NTRK2: variants seen among roughly 807,000 people sequenced by gnomAD.
The protein encoded by NTRK2 is BDNF/NT-3 growth factors receptor.
A neutral mutation model predicts 94.5 loss-of-function variants in NTRK2; 13 were observed. The ratio of observed to expected loss-of-function variants is 0.14; its 90% CI spans 0.09 to 0.22. The LOEUF (loss-of-function observed/expected upper bound fraction) is 0.22. Ranked by LOEUF, NTRK2 falls within the 10% of genes least tolerant of loss-of-function variation. NTRK2 has a pLI of 1.00. For missense variants in NTRK2, 639 were observed against 1,071.2 expected (o/e 0.60, Z 5.63); for synonymous variants, 372 against 407.4 (o/e 0.91, Z 1.05).
At chr9:84,848,185 C>T (rs539649810) in intron 12 of NTRK2, among the ~76,000 whole-genome samples, 1 of 152,212 alleles carries the variant, frequency 6.6e-6, no homozygotes, top group Non-Finnish European at 1.5e-5. Flanking sequence ...CCCTTGTGAA[C>T]TCATTTACCT....
chr9:84,834,145 G>C (rs1256653853), intron 12 of NTRK2, among the ~76,000 whole-genome samples: 2 of 152,132 alleles, frequency 1.3e-5, no homozygotes, highest in Non-Finnish European at 2.9e-5. Context: ...CCTATCAAAA[G>C]CCTATCAATA....
intron 14 of NTRK2, chr9:84,873,242 A>G: frequency 9.4e-7 from 1 of 1,060,258 alleles, no homozygotes. Context: ...ATTTTCTCCT[A>G]ATTGTTTAAT....
intron 12 of NTRK2, among the ~76,000 whole-genome samples, chr9:84,851,916 G>T (rs773529644): frequency 5.3e-5 from 8 of 152,190 alleles, no homozygotes; most frequent in Non-Finnish European, 1.0e-4. Context: ...AATAATGTAA[G>T]TATAAATATG....
intron 12 of NTRK2, among the ~76,000 whole-genome samples, chr9:84,774,504 A>C (rs915039956): frequency 2.0e-5 from 3 of 152,208 alleles, no homozygotes; most frequent in Admixed American, 2.0e-4. Flanking sequence ...GACTTGCCCA[A>C]AGCTGCAAGG....
intron 2 of NTRK2, among the ~76,000 whole-genome samples, chr9:84,695,078 A>T (rs1453421668): frequency 6.8e-6 from 1 of 146,636 alleles, no homozygotes; most frequent in African/African-American, 2.5e-5. Context: ...AAAAAAACAC[A>T]CAACAAAAAA....
At chr9:84,714,665 A>G (rs1300767094) in intron 6 of NTRK2, among the ~76,000 whole-genome samples, 1 of 152,232 alleles carries the variant, frequency 6.6e-6, no homozygotes, top group Non-Finnish European at 1.5e-5. Flanking sequence ...AAGAAACCAG[A>G]TAATAATACG....
chr9:85,018,912 A>G (rs1221103885), intron 17 of NTRK2, among the ~76,000 whole-genome samples: 1 of 152,186 alleles, frequency 6.6e-6, no homozygotes, highest in African/African-American at 2.4e-5. Context: ...TAAAAACTGA[A>G]TAGTAGAGAT....
At chr9:85,003,788 T>C (rs1301744824) in intron 17 of NTRK2, among the ~76,000 whole-genome samples, 1 of 151,486 alleles carries the variant, frequency 6.6e-6, no homozygotes. Flanking sequence ...TGTGGCAGCT[T>C]GGCCTAGGTG....
intron 6 of NTRK2, among the ~76,000 whole-genome samples, chr9:84,712,136 G>C (rs1308344085): frequency 6.6e-6 from 1 of 152,108 alleles, no homozygotes; most frequent in East Asian, 1.9e-4. Context: ...CAACCACTGA[G>C]AGGAAAAGAG....
chr9:84,753,536 C>T (rs2064823212), intron 12 of NTRK2, among the ~76,000 whole-genome samples: 1 of 152,082 alleles, frequency 6.6e-6, no homozygotes. Flanking sequence ...CATGGGCTGC[C>T]AGGCCCCCTT....
In NTRK2 at chr9:84,814,228, G is replaced by A. The variant is rs971194355; in HGVS notation, c.1397-46812G>A. 1.4e-5 allele frequency: 15 copies of A among 1,065,394 alleles called. No homozygotes were observed. The Admixed American group carries it at 2.1e-4, about 15-fold the overall frequency. 66.0% of individuals were successfully genotyped at this position (1,065,394 alleles called of 1,614,324 possible). On this transcript the variant is annotated intron_variant, in intron 12 of 18. Transcript: ENST00000277120. ...TTGCTTTTGGCTTCTCACTCTCCAA[G>A]TAACCCTGAATTAGGCCCAGAATGG...
At chr9:84,975,175 AC>A (rs1826673629) in intron 17 of NTRK2, among the ~76,000 whole-genome samples, 1 of 152,060 alleles carries the variant, frequency 6.6e-6, no homozygotes, top group Non-Finnish European at 1.5e-5. Flanking sequence ...GGACAGCAAG[AC>A]ATTCTCACCC....
At chr9:84,984,394 C>A (rs1828032356) in intron 17 of NTRK2, among the ~76,000 whole-genome samples, 1 of 152,136 alleles carries the variant, frequency 6.6e-6, no homozygotes, top group African/African-American at 2.4e-5. Context: ...ATCGCTTGAA[C>A]CCGGGAGGCG....
chr9:84,841,400 T>G (rs1485890918), intron 12 of NTRK2, among the ~76,000 whole-genome samples: 1 of 152,296 alleles, frequency 6.6e-6, no homozygotes, highest in East Asian at 1.9e-4. Flanking sequence ...CCAGCCTATA[T>G]TAGCTCTGCC....
intron 12 of NTRK2, chr9:84,811,176 T>A: frequency 2.8e-6 from 3 of 1,062,456 alleles, no homozygotes; most frequent in Non-Finnish European, 3.4e-6. Context: ...GGTAGTATTA[T>A]TAAAAGGTTA....
rs924206453 is a variant in NTRK2, at chr9:84,874,244, C to T, written c.1633+6813C>T. ...TAGCCTCCTATGTTGCTAAGAAGCTCCTGCTACCCAGGTGCTTTGAACAAT... is the reference window on the plus strand; with the variant it reads ...TAGCCTCCTATGTTGCTAAGAAGCTTCTGCTACCCAGGTGCTTTGAACAAT... On this transcript the variant is annotated intron_variant, in intron 14 of 18. Coordinates refer to ENST00000277120, the MANE Select transcript of NTRK2 (RefSeq NM_006180.6). 18 of 1,065,466 alleles carry T rather than the reference C, an allele frequency of 1.7e-5. No individual in the cohort carries two copies. The African/African-American group carries it at 2.8e-4, about 16-fold the overall frequency. The allele number at this position is 1,065,466 out of a possible 1,614,324, so 66.0% of individuals were successfully genotyped here.
intron 5 of NTRK2, 84 bp from the exon 6 acceptor site, chr9:84,710,553 C>T: frequency 1.4e-6 from 2 of 1,414,230 alleles, no homozygotes; most frequent in Non-Finnish European, 2.0e-6. Flanking sequence ...AGAAAGAATT[C>T]ATAATGTTGT....
At chr9:85,017,873 G>T (rs1463515845) in intron 17 of NTRK2, among the ~76,000 whole-genome samples, 2 of 152,188 alleles carry the variant, frequency 1.3e-5, no homozygotes, top group Non-Finnish European at 2.9e-5. Flanking sequence ...GGAGCTGGTT[G>T]CACCATAGCA....
At chr9:84,775,295 C>T (rs780239236) in intron 12 of NTRK2, among the ~76,000 whole-genome samples, 12 of 152,220 alleles carry the variant, frequency 7.9e-5, no homozygotes, top group Non-Finnish European at 1.8e-4. Context: ...GGTGACAGAG[C>T]GGGGACAACT....
Sources: allele counts gnomAD v4.1 joint callset (sites outside exome capture counted in the v4.1 genomes callset), GRCh38; gene constraint gnomAD v4.1.1; transcripts MANE v1.5; gene names NCBI Gene and HGNC (gene_info 2026-07-23, HGNC 2026-07-21).